ATP9A: variants seen among roughly 807,000 people sequenced by gnomAD.
The protein encoded by ATP9A is probable phospholipid-transporting ATPase IIA.
In ATP9A, 52 loss-of-function variants were observed where a neutral mutation model predicts 144.1. The observed-to-expected ratio is 0.36, with a 90% CI of 0.29 to 0.45. ATP9A has a LOEUF of 0.45. Among genes scored for constraint, ATP9A ranks in the 20% least tolerant of loss-of-function variants. ATP9A has a pLI of 1.00. For synonymous variants in ATP9A, 582 were observed against 557.4 expected (o/e 1.04, Z -0.62); for missense variants, 947 against 1,392.7 (o/e 0.68, Z 5.09).
At chr20:51,604,696 A>T (rs569450260) in intron 27 of ATP9A, 121 bp downstream of exon 27, 1 of 852,660 alleles carries the variant, frequency 1.2e-6, no homozygotes, top group East Asian at 3.2e-5. Context: ...AGCGGGAAGG[A>T]CTGCTGGAGG....
chr20:51,609,654 C>A (rs907665403), intron 24 of ATP9A, among the ~76,000 whole-genome samples: 3 of 152,164 alleles, frequency 2.0e-5, no homozygotes, highest in African/African-American at 7.2e-5. Flanking sequence ...TTGCACATCC[C>A]CGAGGCAGTG....
intron 9 of ATP9A, among the ~76,000 whole-genome samples, chr20:51,678,324 G>T (rs1317951721): frequency 6.6e-6 from 1 of 152,132 alleles, no homozygotes; most frequent in Non-Finnish European, 1.5e-5. Context: ...CTCACTCTCA[G>T]GAATGCCACT....
chr20:51,641,371 A>G (rs2077318042), intron 14 of ATP9A, among the ~76,000 whole-genome samples: 1 of 151,864 alleles, frequency 6.6e-6, no homozygotes, highest in Admixed American at 6.6e-5. Flanking sequence ...AAAAAAAATT[A>G]TTATTAGGGT....
rs557912904 is a variant in ATP9A, at chr20:51,618,975, G to T, written c.2184C>A (p.Val728=). ...TCACCTCCAGGGAGTCTCCCGAGAT[G>T]ACCAGGGCACAATCATGCTTCCTGC... is the stretch of plus-strand genomic sequence containing the variant. ...AFRRKHDCAL[V]ISGDSLEVCL... Residue 728 remains valine, a synonymous_variant, in exon 20 of 28, where the codon GTC becomes GTA. Coordinates refer to ENST00000338821, the MANE Select transcript of ATP9A (RefSeq NM_006045.3). 5.6e-6 allele frequency: 9 copies of T among 1,614,184 alleles called. No individual in the cohort carries two copies. In the African/African-American group the frequency reaches 1.2e-4, roughly 22 times the overall value.
intron 2 of ATP9A, among the ~76,000 whole-genome samples, chr20:51,727,963 A>T (rs1247563667): frequency 6.6e-6 from 1 of 150,912 alleles, no homozygotes; most frequent in Non-Finnish European, 1.5e-5. Flanking sequence ...CCACAACATG[A>T]CCTCAACTCC....
chr20:51,700,501 A>T (rs1430779527), intron 4 of ATP9A, among the ~76,000 whole-genome samples: 1 of 152,160 alleles, frequency 6.6e-6, no homozygotes, highest in African/African-American at 2.4e-5. Context: ...CAGCCTGGGC[A>T]AAAGAACAAG....
At chr20:51,637,062 G>T (rs1380380293) in intron 15 of ATP9A, among the ~76,000 whole-genome samples, 2 of 152,314 alleles carry the variant, frequency 1.3e-5, no homozygotes, top group Admixed American at 1.3e-4. Flanking sequence ...CTGTACTCCA[G>T]CCTGAGTGAC....
chr20:51,692,471 C>A lies in ATP9A; in HGVS notation c.642+1537G>T, dbSNP rs536339333. Among the ~76,000 whole-genome samples, 3 of 152,256 alleles carry A rather than the reference C, an allele frequency of 2.0e-5. No homozygotes were observed. The South Asian group carries it at 6.2e-4, about 32-fold the overall frequency. On this transcript the variant is annotated intron_variant, in intron 7 of 27. Coordinates refer to ENST00000338821, the MANE Select transcript of ATP9A (RefSeq NM_006045.3). ...AGCCCCTGGGGACTTGTAGCAGCCA[C>A]CATCACGTGAAGTGGGGCTGGAGGG...
At chr20:51,711,679 T>C (rs187857085) in intron 4 of ATP9A, among the ~76,000 whole-genome samples, 2 of 152,286 alleles carry the variant, frequency 1.3e-5, no homozygotes, top group African/African-American at 2.4e-5. Context: ...AGTAAATCTA[T>C]TGTAGTCAGA....
chr20:51,658,516 CTTTTTT>C (rs35371153), intron 13 of ATP9A, among the ~76,000 whole-genome samples: 1 of 106,894 alleles, frequency 9.4e-6, no homozygotes, highest in African/African-American at 3.7e-5. Flanking sequence ...CCTATGCTTC[CTTTTTT>C]TTTTTTTTTT....
At chr20:51,764,315 A>G (rs1358241852) in intron 1 of ATP9A, among the ~76,000 whole-genome samples, 3 of 152,236 alleles carry the variant, frequency 2.0e-5, no homozygotes, top group African/African-American at 7.2e-5. Context: ...GAGGAGCTCC[A>G]TTCAGCCATA....
Position 51,597,076 on chromosome 20 carries a change from C to T in ATP9A, c.*4135G>A, listed in dbSNP as rs2077122334. The T allele has an allele frequency of 6.6e-6, 1 of 152,138 alleles. No individual in the cohort carries two copies. The highest frequency in any genetic ancestry group is 1.5e-5 in the Non-Finnish European group (1 of 68,056). The allele number at this position is 152,138 out of a possible 1,614,324, so 9.4% of individuals were successfully genotyped here. On this transcript the variant is annotated 3_prime_UTR_variant, in exon 28 of 28. Coordinates refer to ENST00000338821, the MANE Select transcript of ATP9A (RefSeq NM_006045.3). ...CCACTGCAACAAAATAATAAATTAG[C>T]CATAATTTGTTTTTTTTGCAAATAC... is the stretch of plus-strand genomic sequence containing the variant.
At chr20:51,612,093 T>C (rs967511246) in intron 23 of ATP9A, among the ~76,000 whole-genome samples, 3 of 152,216 alleles carry the variant, frequency 2.0e-5, no homozygotes, top group Non-Finnish European at 4.4e-5. Flanking sequence ...TTAGCACTGA[T>C]GCCTTAAAAA....
intron 13 of ATP9A, among the ~76,000 whole-genome samples, chr20:51,665,292 T>C (rs181596155): frequency 2.9e-4 from 44 of 152,246 alleles, no homozygotes; most frequent in Admixed American, 7.9e-4. Context: ...TTTTTAGGGT[T>C]GATAAAAATG....
rs545222568 is a variant in ATP9A at position 51,625,130 on chromosome 20, C to A, written c.2016+62G>T. ...ACCCTTTCCCCCTGTGATCTCCCTGCACTGCTGAGGGATAACTGGCATTGC... is the reference window on the plus strand; with the variant it reads ...ACCCTTTCCCCCTGTGATCTCCCTGAACTGCTGAGGGATAACTGGCATTGC... On this transcript the variant is annotated intron_variant, in intron 18 of 27. Transcript: ENST00000338821. 5.8e-4 allele frequency: 876 copies of A among 1,515,684 alleles called. 9 individuals carry two copies. In the South Asian group the frequency reaches 9.9e-3, roughly 17 times the overall value. 93.9% of individuals were successfully genotyped at this position (1,515,684 alleles called of 1,614,324 possible).
At chr20:51,670,201 C>T in intron 12 of ATP9A, 92 bp from the exon 13 acceptor site, 1 of 976,130 alleles carries the variant, frequency 1.0e-6, no homozygotes. Flanking sequence ...GGAGAGTTTG[C>T]CCTATGTCAC....
chr20:51,723,410 G>A (rs1425412649), intron 3 of ATP9A, among the ~76,000 whole-genome samples: 1 of 151,404 alleles, frequency 6.6e-6, no homozygotes, highest in East Asian at 2.0e-4. Flanking sequence ...GAAAAAAAAT[G>A]AATTAAAAAA....
chr20:51,639,429 T>A lies in ATP9A; in HGVS notation c.1582A>T (p.Thr528Ser). ...GRDQSSMQLR[T>S]PGDQILNFTI... Reference sequence around the variant, plus strand: ...AAGTTCAGGATCTGGTCGCCAGGGGTCCTCAGCTGCATGGAAGACTGGTCT... The same window carrying A: ...AAGTTCAGGATCTGGTCGCCAGGGGACCTCAGCTGCATGGAAGACTGGTCT... The change falls in exon 15 of 28, where the codon ACC (threonine) becomes TCC (serine). Residue 528 changes from threonine (T) to serine (S), a missense_variant. This residue lies in a region of ATP9A where 770 missense variants were observed against 1,047.9 expected (regional missense o/e 0.73). Coordinates refer to ENST00000338821, the MANE Select transcript of ATP9A (RefSeq NM_006045.3). 6.2e-7 allele frequency: 1 copy of A among 1,613,712 alleles called. No homozygotes were observed. The highest frequency in any genetic ancestry group is 8.5e-7 in the Non-Finnish European group (1 of 1,179,882).
chr20:51,665,432 T>G (rs988654233), intron 13 of ATP9A, among the ~76,000 whole-genome samples: 2 of 152,086 alleles, frequency 1.3e-5, no homozygotes, highest in African/African-American at 2.4e-5. Context: ...AAAGTACTAG[T>G]AAATTGCCAG....
Sources: gnomAD v4.1 joint callset for allele counts (sites outside exome capture counted in the v4.1 genomes callset) on GRCh38, gnomAD v4.1.1 for gene constraint, gnomAD v4.1.1 regional missense constraint, MANE v1.5 for transcripts, NCBI Gene and HGNC (gene_info 2026-07-23, HGNC 2026-07-21) for gene names.